RSPH14: variants seen among roughly 807,000 people sequenced by gnomAD.
RSPH14 encodes radial spoke head 14 homolog.
In RSPH14, 20 loss-of-function variants were observed where a neutral mutation model predicts 26.7. The ratio of observed to expected loss-of-function variants is 0.75; its 90% CI spans 0.53 to 1.09. The LOEUF (loss-of-function observed/expected upper bound fraction) is 1.09, where lower values mean the gene tolerates loss of function less well. RSPH14 is among the 50% of genes least tolerant of loss of function. The probability of loss-of-function intolerance (pLI) is 0.00; values close to 1 mark genes in which losing one functional copy is unlikely to be tolerated. For missense variants in RSPH14, 449 were observed against 457.2 expected, an observed-to-expected ratio of 0.98 and a Z score of 0.16; for synonymous variants, 177 against 189.3, an observed-to-expected ratio of 0.93 and a Z score of 0.53.
At chr22:23,148,850 A>G (rs1056798927), upstream of RSPH14, among the ~76,000 whole-genome samples, 3 of 152,252 alleles carry the variant, frequency 2.0e-5, no homozygotes, top group Non-Finnish European at 4.4e-5. Context: ...AGAAAGAAGC[A>G]GCCAGCTTGT....
At chr22:23,091,568 G>T (rs985757041) in intron 4 of RSPH14, among the ~76,000 whole-genome samples, 1 of 144,872 alleles carries the variant, frequency 6.9e-6, no homozygotes, top group Non-Finnish European at 1.5e-5. Context: ...ACATGCACAC[G>T]CACCGCAGTG....
rs889426681 is a variant in RSPH14 at position 23,063,824 on chromosome 22, G to A, written c.653+78C>T. The A allele has an allele frequency of 8.5e-5, 119 of 1,403,398 alleles. No individual in the cohort carries two copies. The African/African-American group carries it at 1.3e-3, about 15-fold the overall frequency. The allele number at this position is 1,403,398 out of a possible 1,614,324, so 86.9% of individuals were successfully genotyped here. On this transcript the variant is annotated intron_variant, in intron 5 of 6. Coordinates refer to ENST00000216036, the MANE Select transcript of RSPH14 (RefSeq NM_014433.3). ...AAGGGGAAGCAGGCCCAGGGTGGCC[G>A]CCCTTGAGCTCTGGACCAGTCCAGC...
chr22:23,138,377 C>T (rs573780652), intron 3 of RSPH14, among the ~76,000 whole-genome samples: 11 of 152,046 alleles, frequency 7.2e-5, no homozygotes, highest in Non-Finnish European at 1.3e-4. Flanking sequence ...GGCTGGCCAA[C>T]GTGGTGAAAC....
the RSPH14 span, among the ~76,000 whole-genome samples, chr22:23,178,646 GC>G: frequency 6.6e-6 from 1 of 152,192 alleles, no homozygotes; most frequent in Non-Finnish European, 1.5e-5. Context: ...GCTGCGCACC[GC>G]CCACCCAGCC....
chr22:23,171,070 C>T, the RSPH14 span, among the ~76,000 whole-genome samples: 1,778 of 152,156 alleles, frequency 0.012, 15 homozygotes, highest in Non-Finnish European at 0.018. Flanking sequence ...CGGGTTCAAG[C>T]GATCCTCCTG....
At chr22:23,095,514 A>G in intron 4 of RSPH14, 1 of 653,830 alleles carries the variant, frequency 1.5e-6, no homozygotes, top group Non-Finnish European at 2.6e-6. Flanking sequence ...ACAGAGCGCC[A>G]TGCCGGCTGG....
intron 4 of RSPH14, among the ~76,000 whole-genome samples, chr22:23,066,083 C>T (rs1489836593): frequency 1.3e-5 from 2 of 152,208 alleles, no homozygotes; most frequent in Admixed American, 6.5e-5. Context: ...TTCCAGCTCA[C>T]AGCAGGGAGG....
intron 4 of RSPH14, among the ~76,000 whole-genome samples, chr22:23,084,346 G>A (rs1461575841): frequency 6.6e-6 from 1 of 152,166 alleles, no homozygotes; most frequent in African/African-American, 2.4e-5. Flanking sequence ...CAAGATACGG[G>A]TTAGATTCTT....
chr22:23,158,443 T>A, the RSPH14 span, among the ~76,000 whole-genome samples: 2 of 152,180 alleles, frequency 1.3e-5, no homozygotes, highest in African/African-American at 4.8e-5. Flanking sequence ...CTTGCAGTCT[T>A]GAGAAGAGAG....
the RSPH14 span, among the ~76,000 whole-genome samples, chr22:23,175,247 C>G: frequency 3.3e-5 from 5 of 152,262 alleles, no homozygotes; most frequent in Admixed American, 2.6e-4. Flanking sequence ...ATCTGCCCGC[C>G]TCGGCCTCCC....
Position 23,134,089 on chromosome 22 carries a change from G to A in RSPH14, c.358C>T (p.Pro120Ser). Residue 120 changes from proline (P) to serine (S), a missense_variant, in exon 4 of 7, where the codon CCC becomes TCC. Coordinates refer to ENST00000216036, the MANE Select transcript of RSPH14 (RefSeq NM_014433.3). ...VLALSFLLNDPSPVCRGNLYK... is the reference protein window; with the variant it reads ...VLALSFLLNDSSPVCRGNLYK... The stretch of plus-strand genomic sequence containing the variant: ...AGGTTCCCCCGGCAGACTGGGCTGG[G>A]GTCATTCAGCAGGAAGGACAGGGCA... 3 of 1,613,624 alleles carry A rather than the reference G, an allele frequency of 1.9e-6. No individual in the cohort carries two copies. Among genetic ancestry groups the A allele is most frequent in the Non-Finnish European group, 2.5e-6 (3 of 1,179,688 alleles).
At position 23,059,832 on chromosome 22, in the gene RSPH14, C is replaced by T. The variant is rs193022119; in HGVS notation, c.791-114G>A. On this transcript the variant is annotated intron_variant, in intron 6 of 6. Coordinates refer to ENST00000216036, the MANE Select transcript of RSPH14 (RefSeq NM_014433.3). Reference sequence around the variant, plus strand: ...CTTGTGCAGTCTCAAGGGGTTTATGCCTGGTTTATGCCCCACCAACATGCC... The same window carrying T: ...CTTGTGCAGTCTCAAGGGGTTTATGTCTGGTTTATGCCCCACCAACATGCC... The T allele has an allele frequency of 9.4e-4, 1,109 of 1,182,928 alleles. 3 individuals carry two copies. The highest frequency in any genetic ancestry group is 1.8e-3 in the Admixed American group (66 of 36,118). 73.3% of individuals were successfully genotyped at this position (1,182,928 alleles called of 1,614,324 possible).
intron 4 of RSPH14, among the ~76,000 whole-genome samples, chr22:23,120,065 G>C (rs2069968775): frequency 2.0e-5 from 3 of 152,212 alleles, no homozygotes; most frequent in African/African-American, 7.2e-5. Context: ...TGATGAGGCT[G>C]CCGCAGTGGC....
the RSPH14 span, among the ~76,000 whole-genome samples, chr22:23,174,345 A>T: frequency 6.6e-6 from 1 of 151,522 alleles, no homozygotes; most frequent in Admixed American, 6.6e-5. Context: ...CTAAGGCTGC[A>T]GTGAGCTAGG....
chr22:23,090,913 G>T (rs1429622801), intron 4 of RSPH14, among the ~76,000 whole-genome samples: 1 of 152,176 alleles, frequency 6.6e-6, no homozygotes, highest in Non-Finnish European at 1.5e-5. Context: ...CAGCCCAAGT[G>T]CCAGAATCAA....
At chr22:23,063,732 G>A (rs1744544704) in intron 5 of RSPH14, among the ~76,000 whole-genome samples, 170 bp downstream of exon 5, 1 of 152,040 alleles carries the variant, frequency 6.6e-6, no homozygotes, top group Non-Finnish European at 1.5e-5. Flanking sequence ...CAACGGGATG[G>A]TGGTCACCCT....
At chr22:23,131,221 T>C (rs1284478438) in intron 4 of RSPH14, 2 of 155,606 alleles carry the variant, frequency 1.3e-5, no homozygotes, top group Non-Finnish European at 2.9e-5. Flanking sequence ...TTTAGGTTTT[T>C]TAAGGTTTTG....
rs572973136 is a variant in RSPH14 at position 23,131,611 on chromosome 22, G to A, written c.421+2415C>T. ...ATCATTGTAAGAGGACTGGTTGAGAGCAGCAAGTCCCCTGTCTCCACACTC... is the reference window on the plus strand; with the variant it reads ...ATCATTGTAAGAGGACTGGTTGAGAACAGCAAGTCCCCTGTCTCCACACTC... On this transcript the variant is annotated intron_variant, in intron 4 of 6. Coordinates refer to ENST00000216036, the MANE Select transcript of RSPH14 (RefSeq NM_014433.3). The A allele has an allele frequency of 2.8e-4, 364 of 1,303,884 alleles. 8 individuals carry two copies. In the South Asian group the frequency reaches 4.3e-3, roughly 15 times the overall value. The allele number at this position is 1,303,884 out of a possible 1,614,324, so 80.8% of individuals were successfully genotyped here. A position where few individuals can be genotyped will look rare whatever the true frequency, so the allele number is the denominator to read the frequency against.
chr22:23,121,352 C>T (rs899636094), intron 4 of RSPH14, among the ~76,000 whole-genome samples: 3 of 152,218 alleles, frequency 2.0e-5, no homozygotes, highest in African/African-American at 7.2e-5. Flanking sequence ...ACAGATGCTG[C>T]CAGAGCTGTT....
Sources: allele counts gnomAD v4.1 joint callset (sites outside exome capture counted in the v4.1 genomes callset), GRCh38; gene constraint gnomAD v4.1.1; transcripts MANE v1.5; gene names NCBI Gene and HGNC (gene_info 2026-07-23, HGNC 2026-07-21).